Variants in DIAPH3 observed in about 807,000 individuals in gnomAD.
DIAPH3 encodes diaphanous related formin 3.
Under a neutral mutation model 144.3 loss-of-function variants are expected in DIAPH3, and 117 were observed. The ratio of observed to expected loss-of-function variants is 0.81; its 90% CI spans 0.70 to 0.95. The LOEUF (loss-of-function observed/expected upper bound fraction) is 0.95. Ranked by LOEUF, DIAPH3 falls within the 40% of genes least tolerant of loss-of-function variation. The pLI is 0.00. For missense variants in DIAPH3, 1,421 were observed against 1,412.7 expected (o/e 1.01, Z -0.09); for synonymous variants, 519 against 488.9 (o/e 1.06, Z -0.81).
intron 9 of DIAPH3, among the ~76,000 whole-genome samples, chr13:60,003,452 CTTATT>C (rs1440355052): frequency 6.3e-4 from 95 of 151,154 alleles, no homozygotes; most frequent in East Asian, 3.9e-4. Context: ...GTAATGTATG[CTTATT>C]TTAAGTCCTA....
intron 27 of DIAPH3, among the ~76,000 whole-genome samples, chr13:59,721,723 G>A (rs2138910675): frequency 6.6e-6 from 1 of 152,298 alleles, no homozygotes; most frequent in Non-Finnish European, 1.5e-5. Context: ...CAGTGGGCAA[G>A]AGGTTGTACC....
intron 4 of DIAPH3, among the ~76,000 whole-genome samples, chr13:60,092,520 A>G (rs146418534): frequency 0.02 from 3,042 of 152,246 alleles, 62 homozygotes; most frequent in African/African-American, 0.044. Flanking sequence ...GCGTGGTGGC[A>G]GGCGCCTGTA....
At chr13:60,101,269 C>G (rs2058260251) in intron 3 of DIAPH3, among the ~76,000 whole-genome samples, 1 of 152,082 alleles carries the variant, frequency 6.6e-6, no homozygotes, top group Admixed American at 6.6e-5. Context: ...TATCTCATCT[C>G]CCTCATTCTT....
intron 27 of DIAPH3, among the ~76,000 whole-genome samples, chr13:59,707,126 A>G (rs1035796542): frequency 3.9e-5 from 6 of 152,206 alleles, no homozygotes; most frequent in African/African-American, 1.2e-4. Flanking sequence ...AAAAGTGATT[A>G]GAACCTAGTA....
chr13:59,899,089 C>A (rs925742706), intron 20 of DIAPH3, among the ~76,000 whole-genome samples: 1 of 152,172 alleles, frequency 6.6e-6, no homozygotes, highest in South Asian at 2.1e-4. Context: ...GACTCTTGGA[C>A]TGCACCAGAG....
intron 27 of DIAPH3, among the ~76,000 whole-genome samples, chr13:59,697,491 A>AAAAAAAAAAAG (rs1555274392): frequency 8.6e-4 from 67 of 78,018 alleles, no homozygotes; most frequent in East Asian, 1.6e-3. Context: ...AAAAAAAAAA[A>AAAAAAAAAAAG]AAGAAGAGGG....
chr13:60,092,391 G>C (rs995786409), intron 4 of DIAPH3, among the ~76,000 whole-genome samples: 4 of 152,134 alleles, frequency 2.6e-5, no homozygotes, highest in Admixed American at 2.6e-4. Flanking sequence ...AGTGGCTCAC[G>C]CCTGTAATCC....
At chr13:59,775,994 A>G (rs1292190469) in intron 25 of DIAPH3, among the ~76,000 whole-genome samples, 1 of 152,190 alleles carries the variant, frequency 6.6e-6, no homozygotes, top group East Asian at 1.9e-4. Flanking sequence ...ATTCAAGAAA[A>G]CCGTAAGGAC....
intron 20 of DIAPH3, among the ~76,000 whole-genome samples, chr13:59,887,627 T>C (rs547712326): frequency 3.3e-5 from 5 of 152,154 alleles, no homozygotes; most frequent in Non-Finnish European, 7.4e-5. Flanking sequence ...TATTCCCATA[T>C]GGTCTACCTT....
chr13:59,969,919 T>C (rs187512401), intron 17 of DIAPH3, 25 bp downstream of exon 17: 51 of 1,387,158 alleles, frequency 3.7e-5, no homozygotes, highest in East Asian at 7.3e-5. Flanking sequence ...ATCAAATTAA[T>C]AAATAATCAA....
In DIAPH3 at chr13:59,903,586, C is replaced by G. The variant is rs182566830; in HGVS notation, c.2367+8149G>C. 2.0e-5 allele frequency among the ~76,000 whole-genome samples: 3 copies of G among 150,254 alleles called. No homozygotes were observed. In the East Asian group the frequency reaches 5.9e-4, roughly 29 times the overall value. On this transcript the variant is annotated intron_variant, in intron 20 of 27. Coordinates refer to ENST00000400324, the MANE Select transcript of DIAPH3 (RefSeq NM_001042517.2). ...AAACCTAGAAGTTAAATGGCAAGAT[C>G]ACTTAGGGTTTAAGTTCTATTCTTT...
chr13:60,023,165 C>T (rs756562166), intron 5 of DIAPH3, among the ~76,000 whole-genome samples: 1 of 152,182 alleles, frequency 6.6e-6, no homozygotes, highest in East Asian at 1.9e-4. Flanking sequence ...AGTGAAATCA[C>T]CTGCACCTGA....
At chr13:59,767,744 C>T (rs2037927913) in intron 27 of DIAPH3, among the ~76,000 whole-genome samples, 1 of 152,170 alleles carries the variant, frequency 6.6e-6, no homozygotes, top group African/African-American at 2.4e-5. Context: ...TTATACAATA[C>T]AGTTCTTTAT....
chr13:59,799,567 A>G (rs1341132775), intron 25 of DIAPH3, among the ~76,000 whole-genome samples: 1 of 152,222 alleles, frequency 6.6e-6, no homozygotes, highest in East Asian at 1.9e-4. Flanking sequence ...CCAAAAGTAT[A>G]AGAGCACATA....
At chr13:59,802,964 G>A (rs910152518) in intron 25 of DIAPH3, among the ~76,000 whole-genome samples, 2 of 152,046 alleles carry the variant, frequency 1.3e-5, no homozygotes, top group South Asian at 2.1e-4. Context: ...GATTACAGGC[G>A]TGAGCCACCG....
At chr13:59,842,401 G>A (rs1400280753) in intron 22 of DIAPH3, among the ~76,000 whole-genome samples, 1 of 152,134 alleles carries the variant, frequency 6.6e-6, no homozygotes, top group Non-Finnish European at 1.5e-5. Flanking sequence ...CAAATGTTGG[G>A]AGGGAACATA....
In DIAPH3 at chr13:59,674,059, G is replaced by T. The variant is rs75467709; in HGVS notation, c.3320-7213C>A. 8.8e-4 allele frequency among the ~76,000 whole-genome samples: 134 copies of T among 152,346 alleles called. 1 individual carries two copies. Among genetic ancestry groups the T allele is most frequent in the African/African-American group, 3.1e-3 (128 of 41,578 alleles). ...AGGGTAACCTAGGGACCTCAAATTT[G>T]CAGCTGGTACTGAAGTGAAGGCAAT... On this transcript the variant is annotated intron_variant, in intron 27 of 27. Transcript: ENST00000400324.
intron 5 of DIAPH3, chr13:60,020,868 C>T (rs1227716614): frequency 6.6e-6 from 1 of 152,234 alleles, no homozygotes; most frequent in African/African-American, 2.4e-5. Flanking sequence ...ATCTACCTCT[C>T]TTGGGAACTT....
intron 25 of DIAPH3, among the ~76,000 whole-genome samples, chr13:59,779,031 A>T (rs1593829801): frequency 6.6e-6 from 1 of 152,238 alleles, no homozygotes; most frequent in East Asian, 1.9e-4. Context: ...TGTATCTCTT[A>T]CTTCCAACCA....
Sources: gnomAD v4.1 joint callset for allele counts (sites outside exome capture counted in the v4.1 genomes callset) on GRCh38, gnomAD v4.1.1 for gene constraint, MANE v1.5 for transcripts, NCBI Gene and HGNC (gene_info 2026-07-23, HGNC 2026-07-21) for gene names.